SEMA3A: variants seen among roughly 807,000 people sequenced by gnomAD.
The protein encoded by SEMA3A is semaphorin 3A.
A neutral mutation model predicts 97.9 loss-of-function variants in SEMA3A; 29 were observed. That is an observed-to-expected ratio of 0.30 (90% CI 0.22 to 0.40). The LOEUF is 0.40. SEMA3A is among the 10% of genes least tolerant of loss of function. The pLI is 1.00. For synonymous variants in SEMA3A, 321 were observed against 323.7 expected (o/e 0.99, Z 0.09); for missense variants, 763 against 951.3 (o/e 0.80, Z 2.60).
chr7:84,416,448 A>G (rs1316621665), intron 1 of SEMA3A, among the ~76,000 whole-genome samples: 2 of 152,094 alleles, frequency 1.3e-5, no homozygotes, highest in Non-Finnish European at 2.9e-5. Context: ...AAAATGGACT[A>G]ATACAAGTAT....
intron 4 of SEMA3A, among the ~76,000 whole-genome samples, chr7:84,103,740 A>AT (rs1164099329): frequency 4.6e-5 from 7 of 151,712 alleles, no homozygotes; most frequent in African/African-American, 1.5e-4. Context: ...AAAAATGAAA[A>AT]TAAAAATAAA....
At chr7:84,192,660 C>T (rs1798084873) in intron 1 of SEMA3A, among the ~76,000 whole-genome samples, 2 of 151,812 alleles carry the variant, frequency 1.3e-5, no homozygotes, top group South Asian at 4.1e-4. Context: ...ACAAGTGCCT[C>T]CTCTATCATG....
intron 1 of SEMA3A, among the ~76,000 whole-genome samples, chr7:84,178,617 T>C (rs752524902): frequency 6.6e-6 from 1 of 152,154 alleles, no homozygotes; most frequent in Non-Finnish European, 1.5e-5. Flanking sequence ...AACTAAACTG[T>C]AGTTCTTAGT....
chr7:84,153,654 C>T (rs904289333), intron 1 of SEMA3A, among the ~76,000 whole-genome samples: 14 of 151,832 alleles, frequency 9.2e-5, no homozygotes, highest in African/African-American at 3.1e-4. Context: ...CATGAATTTC[C>T]CCTTTAATAT....
At chr7:84,198,011 A>T (rs1410401653), upstream of SEMA3A, among the ~76,000 whole-genome samples, 1 of 152,010 alleles carries the variant, frequency 6.6e-6, no homozygotes, top group Non-Finnish European at 1.5e-5. Context: ...TAGTGGTAGG[A>T]TTACAGGCGT....
chr7:84,311,295 C>T (rs569917441), intron 2 of SEMA3A, among the ~76,000 whole-genome samples: 1 of 151,744 alleles, frequency 6.6e-6, no homozygotes, highest in Non-Finnish European at 1.5e-5. Flanking sequence ...GAGTTACATT[C>T]AAAAATATCT....
rs778566988 is a variant in SEMA3A at position 83,999,782 on chromosome 7, TAAC to T, written c.1452+2170_1452+2172del. 4.6e-5 allele frequency among the ~76,000 whole-genome samples: 7 copies of T among 152,212 alleles called. No homozygotes were observed. The East Asian group carries it at 9.6e-4, about 21-fold the overall frequency. ...CTCTGGAAATTAGAAATTCTTAAGA[TAAC>T]AATATTTTAGTGTCTCCTGTAACTT... On this transcript the variant is annotated intron_variant, in intron 12 of 16. Transcript: ENST00000265362.
chr7:84,300,221 T>C (rs1377200494), intron 3 of SEMA3A, among the ~76,000 whole-genome samples: 1 of 151,736 alleles, frequency 6.6e-6, no homozygotes, highest in Non-Finnish European at 1.5e-5. Context: ...TTTTTAGGAC[T>C]AACAGACTAG....
Position 83,981,430 on chromosome 7 carries a change from G to T in SEMA3A, c.1543C>A (p.His515Asn). The change falls in exon 14 of 17, where the codon CAC becomes AAC. Residue 515 changes from histidine (H) to asparagine (N), a missense_variant. Physicochemically the swap from His to Asn is moderately conservative, Grantham distance 68. This residue lies in a region of SEMA3A where 678 missense variants were observed against 881.3 expected (regional missense o/e 0.77). Coordinates refer to ENST00000265362, the MANE Select transcript of SEMA3A (RefSeq NM_006080.3). ...GCTTTCCCGTAAATATCACACCGGT[G>T]TAAAGGGAGCTGGGCAACCCCAGCC... ...STAGVAQLPLHRCDIYGKACA... is the reference protein window; with the variant it reads ...STAGVAQLPLNRCDIYGKACA... 6.2e-7 allele frequency: 1 copy of T among 1,613,674 alleles called. No homozygotes were observed. The highest frequency in any genetic ancestry group is 8.5e-7 in the Non-Finnish European group (1 of 1,179,792).
At chr7:84,277,756 C>T (rs1800343292) in intron 3 of SEMA3A, among the ~76,000 whole-genome samples, 1 of 152,106 alleles carries the variant, frequency 6.6e-6, no homozygotes, top group Non-Finnish European at 1.5e-5. Context: ...CTAGGCCTGG[C>T]TCACAAAAGC....
chr7:84,399,479 C>G (rs969645961), intron 1 of SEMA3A, among the ~76,000 whole-genome samples: 2 of 152,170 alleles, frequency 1.3e-5, no homozygotes, highest in African/African-American at 2.4e-5. Flanking sequence ...TGCCACCCCT[C>G]CCCCAATGCC....
chr7:84,215,710 A>G (rs1798737108), intron 3 of SEMA3A, among the ~76,000 whole-genome samples: 1 of 152,226 alleles, frequency 6.6e-6, no homozygotes, highest in Non-Finnish European at 1.5e-5. Flanking sequence ...AGCATTTGGA[A>G]TTGTGCCTGG....
chr7:84,351,034 G>T (rs141841254), intron 2 of SEMA3A, among the ~76,000 whole-genome samples: 1 of 150,960 alleles, frequency 6.6e-6, no homozygotes, highest in Non-Finnish European at 1.5e-5. Context: ...TAAACTTAGG[G>T]AAACACACAT....
intron 12 of SEMA3A, among the ~76,000 whole-genome samples, chr7:83,992,746 G>T (rs1030828869): frequency 1.3e-5 from 2 of 151,984 alleles, no homozygotes; most frequent in Admixed American, 6.6e-5. Context: ...CAAGTATGTG[G>T]TCAATTTTGG....
chr7:84,393,216 T>C (rs1305058994), intron 1 of SEMA3A, among the ~76,000 whole-genome samples: 2 of 152,170 alleles, frequency 1.3e-5, no homozygotes, highest in Non-Finnish European at 2.9e-5. Context: ...TTGAGTGGAT[T>C]TGTGTATATG....
rs949550152 is a variant in SEMA3A, at chr7:84,022,169, T to C, written c.668-7818A>G. Among the ~76,000 whole-genome samples the C allele has an allele frequency of 3.3e-5, 5 of 152,282 alleles. No individual in the cohort carries two copies. The South Asian group carries it at 1.0e-3, about 32-fold the overall frequency. On this transcript the variant is annotated intron_variant, in intron 6 of 16. Transcript: ENST00000265362. ...CATATTTGGAGATCAGAGATTCCCA[T>C]TGTCCTGTGAAACTACAAGAAATTC...
chr7:84,132,653 C>T (rs1172704903), intron 2 of SEMA3A, among the ~76,000 whole-genome samples: 6 of 136,646 alleles, frequency 4.4e-5, no homozygotes, highest in South Asian at 2.4e-4. Context: ...TTTTCTTCAT[C>T]GACTTGGTGT....
At chr7:84,303,113 C>G (rs933341147) in intron 3 of SEMA3A, among the ~76,000 whole-genome samples, 2 of 152,152 alleles carry the variant, frequency 1.3e-5, no homozygotes, top group Non-Finnish European at 2.9e-5. Context: ...CACACCTACT[C>G]ACAGCCATTC....
chr7:84,407,625 C>T (rs376769479), intron 1 of SEMA3A, among the ~76,000 whole-genome samples: 5 of 103,712 alleles, frequency 4.8e-5, no homozygotes, highest in African/African-American at 7.1e-5. Context: ...GAGGCATCAC[C>T]GTACCTGACT....
Sources: gnomAD v4.1 joint callset for allele counts (sites outside exome capture counted in the v4.1 genomes callset) on GRCh38, gnomAD v4.1.1 for gene constraint, gnomAD v4.1.1 regional missense constraint, MANE v1.5 for transcripts, NCBI Gene and HGNC (gene_info 2026-07-23, HGNC 2026-07-21) for gene names.